Variants in GABPA observed in about 807,000 individuals in gnomAD.
The protein encoded by GABPA is GA-binding protein alpha chain.
In GABPA, 4 loss-of-function variants were observed where a neutral mutation model predicts 59.4. That is an observed-to-expected ratio of 0.07 (90% CI 0.03 to 0.15). The LOEUF is 0.15. Among genes scored for constraint, GABPA ranks in the 10% least tolerant of loss-of-function variants. The pLI is 1.00. For missense variants in GABPA, 251 were observed against 543.8 expected, an observed-to-expected ratio of 0.46 and a Z score of 5.36; for synonymous variants, 164 against 183.1, an observed-to-expected ratio of 0.90 and a Z score of 0.84.
chr21:25,741,829 G>C (rs2035229596), intron 2 of GABPA, among the ~76,000 whole-genome samples, 154 bp downstream of exon 2: 1 of 152,094 alleles, frequency 6.6e-6, no homozygotes, highest in Non-Finnish European at 1.5e-5. Context: ...GACTTAATGT[G>C]GTTGTAGCTG....
intron 6 of GABPA, among the ~76,000 whole-genome samples, 152 bp from the exon 7 acceptor site, chr21:25,762,159 AG>A (rs954316654): frequency 1.3e-5 from 2 of 152,114 alleles, no homozygotes; most frequent in Admixed American, 1.3e-4. Context: ...AATATTTTTA[AG>A]GTTTTTATGC....
Position 25,735,125 on chromosome 21 carries a change from T to C in GABPA, c.-480T>C. ...CTCCGCCATCTTTTCTTCGCCTAAT[T>C]TGACCCGTTCTTTTTCCCCTCCTTG... On this transcript the variant is annotated 5_prime_UTR_variant, in exon 1 of 10. Coordinates refer to ENST00000400075, the MANE Select transcript of GABPA (RefSeq NM_002040.4). 1 of 710,838 alleles carries C rather than the reference T, an allele frequency of 1.4e-6. No individual in the cohort carries two copies. The highest frequency in any genetic ancestry group is 1.6e-5 in the South Asian group (1 of 63,448). The allele number at this position is 710,838 out of a possible 1,614,324, so 44.0% of individuals were successfully genotyped here.
intron 7 of GABPA, 81 bp from the exon 8 acceptor site, chr21:25,764,129 A>C (rs937326907): frequency 2.4e-6 from 3 of 1,245,210 alleles, no homozygotes; most frequent in Non-Finnish European, 3.3e-6. Context: ...CATTAGTTAA[A>C]GTGATAATGT....
rs2035007648 is a variant in GABPA, at chr21:25,735,432, C to T, written c.-173C>T. On this transcript the variant is annotated 5_prime_UTR_variant, in exon 1 of 10. Coordinates refer to ENST00000400075, the MANE Select transcript of GABPA (RefSeq NM_002040.4). ...GGTTGGGGCTTCTCAGCGCCGATTC[C>T]GCGGGAAGGGCCCTGGGACCTCACA... 6.0e-6 allele frequency: 1 copy of T among 167,872 alleles called. No homozygotes were observed. The highest frequency in any genetic ancestry group is 1.3e-5 in the Non-Finnish European group (1 of 76,042). The allele number at this position is 167,872 out of a possible 1,614,324, so 10.4% of individuals were successfully genotyped here. A position where few individuals can be genotyped will look rare whatever the true frequency, so the allele number is the denominator to read the frequency against.
chr21:25,764,881 T>C (rs1601153444), intron 9 of GABPA, 94 bp downstream of exon 9: 1 of 845,646 alleles, frequency 1.2e-6, no homozygotes, highest in Non-Finnish European at 1.7e-6. Flanking sequence ...TGTTATGTAA[T>C]GATATTAAAA....
chr21:25,748,387 A>T (rs1344232619), intron 3 of GABPA, among the ~76,000 whole-genome samples: 2 of 152,224 alleles, frequency 1.3e-5, no homozygotes, highest in Admixed American at 6.5e-5. Context: ...CTTTAAGCTG[A>T]TGACAGAAAG....
At chr21:25,741,075 C>T (rs1440524763) in intron 1 of GABPA, among the ~76,000 whole-genome samples, 3 of 152,176 alleles carry the variant, frequency 2.0e-5, no homozygotes, top group Admixed American at 2.0e-4. Context: ...GTTGTCATGT[C>T]AGGTTAATAA....
Position 25,749,128 on chromosome 21 carries a change from A to G in GABPA, c.307+8A>G, listed in dbSNP as rs369414908. On this transcript the variant is annotated splice_region_variant and intron_variant, in intron 4 of 9. Coordinates refer to ENST00000400075, the MANE Select transcript of GABPA (RefSeq NM_002040.4). Reference sequence around the variant, plus strand: ...AGGTAATTTCTTACCAAGGTAAGTTACTTTTCATGATAGTTATTTAAAATT... The same window carrying G: ...AGGTAATTTCTTACCAAGGTAAGTTGCTTTTCATGATAGTTATTTAAAATT... The G allele has an allele frequency of 6.8e-7, 1 of 1,469,616 alleles. No individual in the cohort carries two copies. The highest frequency in any genetic ancestry group is 1.4e-5 in the African/African-American group (1 of 71,342). The allele number at this position is 1,469,616 out of a possible 1,614,324, so 91.0% of individuals were successfully genotyped here.
intron 5 of GABPA, among the ~76,000 whole-genome samples, chr21:25,754,703 T>A (rs2035591971): frequency 6.6e-6 from 1 of 152,214 alleles, no homozygotes; most frequent in African/African-American, 2.4e-5. Flanking sequence ...TTTGTGTTGT[T>A]TTTAACCTTT....
At chr21:25,762,497 G>A in intron 7 of GABPA, 132 bp downstream of exon 7, 1 of 590,380 alleles carries the variant, frequency 1.7e-6, no homozygotes, top group Admixed American at 3.4e-5. Context: ...TCTGTGGAAT[G>A]AAAGCTCGAC....
intron 6 of GABPA, among the ~76,000 whole-genome samples, chr21:25,760,762 C>G (rs2035746690): frequency 6.6e-6 from 1 of 152,108 alleles, no homozygotes; most frequent in Non-Finnish European, 1.5e-5. Context: ...CTCAAGACTG[C>G]TTACTTTGTG....
chr21:25,753,201 G>T (rs981677534), intron 5 of GABPA, among the ~76,000 whole-genome samples: 7 of 152,166 alleles, frequency 4.6e-5, no homozygotes, highest in African/African-American at 1.7e-4. Flanking sequence ...GAGAAGTCTG[G>T]TATAGGAAAT....
chr21:25,755,528 G>A (rs984905726), intron 5 of GABPA, among the ~76,000 whole-genome samples: 1 of 152,070 alleles, frequency 6.6e-6, no homozygotes, highest in Non-Finnish European at 1.5e-5. Context: ...GTAGAAGATA[G>A]GGGTGAGCAT....
Position 25,769,194 on chromosome 21 carries a change from C to G in GABPA, c.1327C>G (p.Leu443Val), listed in dbSNP as rs750567734. Residue 443 changes from leucine (L) to valine (V), a missense_variant, in exon 10 of 10, where the codon CTG (leucine) becomes GTG (valine). Around this residue, in one of 4 missense-constraint regions of GABPA, gnomAD observed 23 missense variants for 60.7 expected, o/e 0.38. Transcript: ENST00000400075. ...GIAQPVTAVA[L>V]ATASLQTEKD... ...TGCCCAGCCAGTCACAGCAGTAGCT[C>G]TGGCTACTGCTTCTCTGCAAACGGA... is the stretch of plus-strand genomic sequence containing the variant. 1.3e-6 allele frequency: 2 copies of G among 1,596,342 alleles called. No homozygotes were observed. Among genetic ancestry groups the G allele is most frequent in the Non-Finnish European group, 8.6e-7 (1 of 1,164,068 alleles).
At chr21:25,766,714 G>A (rs111484694) in intron 9 of GABPA, among the ~76,000 whole-genome samples, 23 of 151,902 alleles carry the variant, frequency 1.5e-4, no homozygotes, top group African/African-American at 5.6e-4. Flanking sequence ...TGAGGATATG[G>A]AGCAATGGGA....
rs1225916639 is a variant in GABPA, at chr21:25,770,094, T to G, written c.*862T>G. 1 of 152,588 alleles carries G rather than the reference T, an allele frequency of 6.6e-6. No individual in the cohort carries two copies. The highest frequency in any genetic ancestry group is 1.5e-5 in the Non-Finnish European group (1 of 67,998). The allele number at this position is 152,588 out of a possible 1,614,324, so 9.5% of individuals were successfully genotyped here. On this transcript the variant is annotated 3_prime_UTR_variant, in exon 10 of 10. Coordinates refer to ENST00000400075, the MANE Select transcript of GABPA (RefSeq NM_002040.4). ...GTTATGGCTTCCTTTTTTAAAAAAT[T>G]ACCCTGTAGTGCCAGTTTATTATGC... is the stretch of plus-strand genomic sequence containing the variant.
At position 25,764,195 on chromosome 21, in the gene GABPA, T is replaced by C; in HGVS notation, c.803-15T>C. On this transcript the variant is annotated splice_polypyrimidine_tract_variant and intron_variant, in intron 7 of 9. Transcript: ENST00000400075. Reference sequence around the variant, plus strand: ...TATTGGAAGAAAAAAAATTTCTCCTTGTCTGTCTTTGCAGCTGTGCAAATT... The same window carrying C: ...TATTGGAAGAAAAAAAATTTCTCCTCGTCTGTCTTTGCAGCTGTGCAAATT... 6.4e-7 allele frequency: 1 copy of C among 1,551,620 alleles called. No homozygotes were observed. The highest frequency in any genetic ancestry group is 1.2e-5 in the South Asian group (1 of 80,184).
At chr21:25,761,058 A>G (rs2035754510) in intron 6 of GABPA, among the ~76,000 whole-genome samples, 1 of 151,986 alleles carries the variant, frequency 6.6e-6, no homozygotes, top group African/African-American at 2.4e-5. Context: ...TCTTTGAGGA[A>G]CTTTTATAAA....
At chr21:25,740,447 G>A (rs932208390) in intron 1 of GABPA, among the ~76,000 whole-genome samples, 3 of 152,202 alleles carry the variant, frequency 2.0e-5, no homozygotes, top group Non-Finnish European at 4.4e-5. Flanking sequence ...TGGACTGAAA[G>A]TGCGTATGGA....
Sources: gnomAD v4.1 joint callset for allele counts (sites outside exome capture counted in the v4.1 genomes callset) on GRCh38, gnomAD v4.1.1 for gene constraint, gnomAD v4.1.1 regional missense constraint, MANE v1.5 for transcripts, NCBI Gene and HGNC (gene_info 2026-07-23, HGNC 2026-07-21) for gene names.